The following ZNG1B variants were observed in gnomAD, a reference collection of about 807,000 sequenced individuals.
ZNG1B encodes Zn regulated GTPase metalloprotein activator 1B.
the ZNG1B span, among the ~76,000 whole-genome samples, chr2:113,450,581 G>A: frequency 0.017 from 1,792 of 105,948 alleles, 21 homozygotes; most frequent in East Asian, 0.059. Flanking sequence ...GAAGTTGTTG[G>A]GAATTTTCTT....
the ZNG1B span, among the ~76,000 whole-genome samples, chr2:113,477,659 T>G: frequency 6.6e-6 from 1 of 152,190 alleles, no homozygotes; most frequent in African/African-American, 2.4e-5. Flanking sequence ...TTTTCTTTTT[T>G]TATTGTAGTA....
the ZNG1B span, among the ~76,000 whole-genome samples, chr2:113,485,261 A>G: frequency 7.3e-6 from 1 of 136,878 alleles, no homozygotes; most frequent in Non-Finnish European, 1.5e-5. Context: ...ATAGATGAGT[A>G]GGTCTCTGGT....
chr2:113,453,357 A>T, the ZNG1B span, among the ~76,000 whole-genome samples: 30 of 151,742 alleles, frequency 2.0e-4, no homozygotes, highest in Non-Finnish European at 3.4e-4. Flanking sequence ...GGTTCAAGTG[A>T]TTCTCGTGCC....
chr2:113,488,590 C>T, the ZNG1B span, among the ~76,000 whole-genome samples: 8 of 142,796 alleles, frequency 5.6e-5, no homozygotes, highest in Non-Finnish European at 1.1e-4. Context: ...AGGTGAAGCC[C>T]AATGTAAAGA....
the ZNG1B span, among the ~76,000 whole-genome samples, chr2:113,472,878 G>C: frequency 1.3e-5 from 2 of 151,536 alleles, no homozygotes; most frequent in South Asian, 2.1e-4. Context: ...ATGCTGTTTT[G>C]GTTACTGTAG....
the ZNG1B span, chr2:113,462,859 A>G: frequency 2.8e-6 from 1 of 357,188 alleles, no homozygotes; most frequent in Non-Finnish European, 4.9e-6. Flanking sequence ...TTTACTCATA[A>G]TGTATTCTCA....
At chr2:113,476,429 G>A in the ZNG1B span, among the ~76,000 whole-genome samples, 1 of 149,894 alleles carries the variant, frequency 6.7e-6, no homozygotes, top group Non-Finnish European at 1.5e-5. Flanking sequence ...TTTGCCTTTG[G>A]TTTGAATGTC....
the ZNG1B span, chr2:113,470,732 A>G: frequency 7.4e-6 from 3 of 404,158 alleles, no homozygotes; most frequent in Non-Finnish European, 1.3e-5. Flanking sequence ...CTTTTGAGTA[A>G]TAAGCTGCTT....
At chr2:113,439,259 C>G in the ZNG1B span, 6 of 1,467,838 alleles carry the variant, frequency 4.1e-6, no homozygotes, top group African/African-American at 8.5e-5. Flanking sequence ...CTTTTGGCTT[C>G]TATTACATTT....
the ZNG1B span, among the ~76,000 whole-genome samples, chr2:113,446,766 GCACA>G: frequency 1.6e-5 from 2 of 125,738 alleles, no homozygotes; most frequent in Non-Finnish European, 3.4e-5. Context: ...ACACGCACAT[GCACA>G]CGCACACACA....
the ZNG1B span, among the ~76,000 whole-genome samples, chr2:113,473,523 GTT>G: frequency 6.6e-6 from 1 of 151,650 alleles, no homozygotes; most frequent in Non-Finnish European, 1.5e-5. Context: ...CCAACACTAT[GTT>G]GAATAGGAGT....
At chr2:113,471,390 A>G in the ZNG1B span, among the ~76,000 whole-genome samples, 2 of 152,216 alleles carry the variant, frequency 1.3e-5, no homozygotes, top group Admixed American at 6.5e-5. Flanking sequence ...CATGAAATAC[A>G]TAGAAAATTT....
chr2:113,471,887 G>C, the ZNG1B span, among the ~76,000 whole-genome samples: 1 of 151,670 alleles, frequency 6.6e-6, no homozygotes. Context: ...TATCATTGTT[G>C]GACATTTGGG....
chr2:113,467,012 T>G, the ZNG1B span, among the ~76,000 whole-genome samples: 10 of 138,430 alleles, frequency 7.2e-5, no homozygotes, highest in East Asian at 2.1e-3. Context: ...TGCAGTGAGC[T>G]GAGATCGCAC....
the ZNG1B span, among the ~76,000 whole-genome samples, chr2:113,450,239 G>T: frequency 7.0e-6 from 1 of 142,408 alleles, no homozygotes; most frequent in Non-Finnish European, 1.5e-5. Context: ...CTTTTTTTTG[G>T]TCAAATTATT....
chr2:113,489,416 G>A, the ZNG1B span, among the ~76,000 whole-genome samples: 1 of 151,990 alleles, frequency 6.6e-6, no homozygotes, highest in Non-Finnish European at 1.5e-5. Context: ...AATATCACAG[G>A]ACCTATAAAA....
At chr2:113,471,650 A>G in the ZNG1B span, among the ~76,000 whole-genome samples, 1 of 104,794 alleles carries the variant, frequency 9.5e-6, no homozygotes, top group Non-Finnish European at 1.9e-5. Flanking sequence ...AACCCACAAC[A>G]GTCCCCAGAA....
chr2:113,453,740 A>C, the ZNG1B span, among the ~76,000 whole-genome samples: 1 of 139,732 alleles, frequency 7.2e-6, no homozygotes, highest in African/African-American at 2.8e-5. Context: ...TAGTGCTTCC[A>C]CTAAGGTTTT....
the ZNG1B span, among the ~76,000 whole-genome samples, chr2:113,460,462 C>T: frequency 6.6e-6 from 1 of 151,950 alleles, no homozygotes; most frequent in Non-Finnish European, 1.5e-5. Flanking sequence ...CCCTATAAAA[C>T]CCCACAGGTT....
Sources: gnomAD v4.1 joint callset for allele counts (sites outside exome capture counted in the v4.1 genomes callset) on GRCh38, gnomAD v4.1.1 for gene constraint, MANE v1.5 for transcripts, NCBI Gene and HGNC (gene_info 2026-07-23, HGNC 2026-07-21) for gene names.